Variants in CAMK1D observed in about 807,000 individuals in gnomAD.
CAMK1D encodes the protein calcium/calmodulin-dependent protein kinase type 1D.
Under a neutral mutation model 47.7 loss-of-function variants are expected in CAMK1D, and 9 were observed. The ratio of observed to expected loss-of-function variants is 0.19; its 90% CI spans 0.11 to 0.33. The LOEUF (loss-of-function observed/expected upper bound fraction) is 0.33, where lower values mean the gene tolerates loss of function less well. Ranked by LOEUF, CAMK1D falls within the 10% of genes least tolerant of loss-of-function variation. The pLI is 1.00. For missense variants in CAMK1D, 291 were observed against 488.7 expected (o/e 0.60, Z 3.81); for synonymous variants, 184 against 184.9 (o/e 0.99, Z 0.04).
chr10:12,599,786 TC>T (rs953690728), intron 2 of CAMK1D, among the ~76,000 whole-genome samples: 4 of 152,214 alleles, frequency 2.6e-5, no homozygotes, highest in African/African-American at 9.6e-5. Context: ...GCTTGCAGCC[TC>T]CCCATTGCCA....
intron 2 of CAMK1D, among the ~76,000 whole-genome samples, chr10:12,662,947 G>A (rs1478923062): frequency 6.6e-6 from 1 of 151,774 alleles, no homozygotes; most frequent in Non-Finnish European, 1.5e-5. Context: ...TGTTTTTTTT[G>A]TTTGTTTGTT....
chr10:12,613,570 G>A (rs1013227160), intron 2 of CAMK1D, among the ~76,000 whole-genome samples: 3 of 152,152 alleles, frequency 2.0e-5, no homozygotes, highest in Admixed American at 6.5e-5. Context: ...CTCCACCTCC[G>A]GGGGTGCAGG....
At chr10:12,633,121 G>A (rs1839426214) in intron 2 of CAMK1D, among the ~76,000 whole-genome samples, 1 of 152,230 alleles carries the variant, frequency 6.6e-6, no homozygotes, top group Non-Finnish European at 1.5e-5. Context: ...AGTTACACAG[G>A]AGCTGAGCGT....
intron 2 of CAMK1D, among the ~76,000 whole-genome samples, chr10:12,613,538 C>T (rs1484350085): frequency 6.6e-6 from 1 of 152,230 alleles, no homozygotes; most frequent in African/African-American, 2.4e-5. Context: ...AATTTGCTTG[C>T]CGATATCTAC....
At chr10:12,374,471 G>A (rs1011562503) in intron 1 of CAMK1D, among the ~76,000 whole-genome samples, 20 of 151,954 alleles carry the variant, frequency 1.3e-4, no homozygotes, top group African/African-American at 4.1e-4. Context: ...CCTTGCTCAC[G>A]TAGTATCTCC....
intron 2 of CAMK1D, among the ~76,000 whole-genome samples, chr10:12,590,730 A>G (rs1454295821): frequency 2.0e-5 from 3 of 152,232 alleles, no homozygotes; most frequent in African/African-American, 4.8e-5. Context: ...AGAGCCATCC[A>G]TGATTAGAAT....
intron 1 of CAMK1D, among the ~76,000 whole-genome samples, chr10:12,489,919 G>A (rs780406844): frequency 6.6e-6 from 1 of 152,144 alleles, no homozygotes; most frequent in African/African-American, 2.4e-5. Flanking sequence ...TCTGCATTCC[G>A]GCATTCAGCC....
At chr10:12,826,576 G>A (rs893886564) in intron 10 of CAMK1D, among the ~76,000 whole-genome samples, 2 of 152,038 alleles carry the variant, frequency 1.3e-5, no homozygotes, top group Non-Finnish European at 2.9e-5. Context: ...CCCTTCCCAT[G>A]GGTCCTCTCC....
chr10:12,426,492 G>C (rs538814004), intron 1 of CAMK1D, among the ~76,000 whole-genome samples: 111 of 152,310 alleles, frequency 7.3e-4, no homozygotes, highest in Middle Eastern at 3.4e-3. Context: ...CTGATTGCCG[G>C]CCTCAGCCTC....
intron 3 of CAMK1D, among the ~76,000 whole-genome samples, chr10:12,738,011 G>T (rs1187496635): frequency 6.6e-6 from 1 of 152,126 alleles, no homozygotes; most frequent in Non-Finnish European, 1.5e-5. Flanking sequence ...AAATCACAAG[G>T]TCTTTGGGAA....
intron 1 of CAMK1D, among the ~76,000 whole-genome samples, chr10:12,353,848 G>A (rs945133973): frequency 6.6e-6 from 1 of 152,128 alleles, no homozygotes; most frequent in African/African-American, 2.4e-5. Flanking sequence ...ATTAGGAGGG[G>A]TACACATTTC....
intron 1 of CAMK1D, among the ~76,000 whole-genome samples, chr10:12,371,511 G>A (rs1838005662): frequency 2.0e-5 from 3 of 151,112 alleles, no homozygotes; most frequent in Admixed American, 2.0e-4. Context: ...AGTAGGCGGA[G>A]GTTGCAGTGA....
In CAMK1D at chr10:12,553,518, C is replaced by T. The variant is rs149733224; in HGVS notation, c.224+162C>T. On this transcript the variant is annotated intron_variant, in intron 2 of 10. Transcript: ENST00000619168. ...ACTTTCAAAGCACTTTTCCCATAGACCTCTCGTGTCTTAGAACATTCACGG... is the reference window on the plus strand; with the variant it reads ...ACTTTCAAAGCACTTTTCCCATAGATCTCTCGTGTCTTAGAACATTCACGG... Among the ~76,000 whole-genome samples the T allele has an allele frequency of 8.7e-4, 133 of 152,308 alleles. 3 individuals are homozygous for T. Among genetic ancestry groups the T allele is most frequent in the Admixed American group, 7.4e-3 (113 of 15,308 alleles).
intron 1 of CAMK1D, among the ~76,000 whole-genome samples, chr10:12,469,833 G>A (rs1025521586): frequency 3.9e-5 from 6 of 152,136 alleles, no homozygotes; most frequent in Non-Finnish European, 8.8e-5. Flanking sequence ...TATATAATCA[G>A]TTCTTTCAGA....
rs182463570 is a variant in CAMK1D, at chr10:12,362,278, A to G, written c.92+12368A>G. On this transcript the variant is annotated intron_variant, in intron 1 of 10. Coordinates refer to ENST00000619168, the MANE Select transcript of CAMK1D (RefSeq NM_153498.4). ...CCTCCTCCCTGACCTTCTGATACAC[A>G]CCGTTCCACCATCTGTCTCAGTGAA... is the stretch of plus-strand genomic sequence containing the variant. Among the ~76,000 whole-genome samples the G allele has an allele frequency of 2.8e-3, 430 of 152,006 alleles. 3 individuals are homozygous for G. Among genetic ancestry groups the G allele is most frequent in the African/African-American group, 9.3e-3 (386 of 41,446 alleles).
At chr10:12,827,539 T>TTTCTTTC (rs1554831918) in intron 10 of CAMK1D, among the ~76,000 whole-genome samples, 1 of 4,272 alleles carries the variant, frequency 2.3e-4, no homozygotes, top group Non-Finnish European at 6.2e-4. Context: ...TCTTTCTTTC[T>TTTCTTTC]TTTCTTGTCT....
At chr10:12,539,528 G>A (rs1472977463) in intron 1 of CAMK1D, among the ~76,000 whole-genome samples, 1 of 152,184 alleles carries the variant, frequency 6.6e-6, no homozygotes, top group Non-Finnish European at 1.5e-5. Flanking sequence ...GGAGCTATGC[G>A]GCTGGCATTG....
At chr10:12,359,303 G>A (rs1003132931) in intron 1 of CAMK1D, among the ~76,000 whole-genome samples, 7 of 152,154 alleles carry the variant, frequency 4.6e-5, no homozygotes, top group Non-Finnish European at 1.0e-4. Context: ...GTCAATGCCC[G>A]CTCTCTATCA....
At chr10:12,501,639 G>A (rs1348838201) in intron 1 of CAMK1D, among the ~76,000 whole-genome samples, 1 of 108,006 alleles carries the variant, frequency 9.3e-6, no homozygotes, top group Non-Finnish European at 1.9e-5. Flanking sequence ...AGCAGTTCTC[G>A]ACTGAGAGTG....
Sources: gnomAD v4.1 joint callset for allele counts (sites outside exome capture counted in the v4.1 genomes callset) on GRCh38, gnomAD v4.1.1 for gene constraint, MANE v1.5 for transcripts, NCBI Gene and HGNC (gene_info 2026-07-23, HGNC 2026-07-21) for gene names.